The following NCOA6 variants were observed in gnomAD, a reference collection of about 807,000 sequenced individuals.
NCOA6 encodes the protein NRC RAP250.
Under a neutral mutation model 171.4 loss-of-function variants are expected in NCOA6, and 49 were observed. The ratio of observed to expected loss-of-function variants is 0.29; its 90% CI spans 0.23 to 0.36. The LOEUF (loss-of-function observed/expected upper bound fraction) is 0.36. Ranked by LOEUF, NCOA6 falls within the 10% of genes least tolerant of loss-of-function variation. The pLI, the probability that NCOA6 is intolerant of heterozygous loss-of-function variation, is 1.00. For missense variants in NCOA6, 2,248 were observed against 2,554.5 expected (o/e 0.88, Z 2.59); for synonymous variants, 910 against 927.5 (o/e 0.98, Z 0.34).
intron 6 of NCOA6, among the ~76,000 whole-genome samples, 166 bp downstream of exon 6, chr20:34,758,639 A>C (rs540592285): frequency 2.2e-4 from 33 of 152,334 alleles, no homozygotes; most frequent in Admixed American, 3.3e-4. Flanking sequence ...AAATTCTGAA[A>C]AGAAAATAAT....
chr20:34,782,068 G>A, intron 3 of NCOA6, 53 bp downstream of exon 3: 1 of 1,269,480 alleles, frequency 7.9e-7, no homozygotes, highest in Non-Finnish European at 1.1e-6. Context: ...ACCATGGAAG[G>A]GCAAACATTT....
chr20:34,769,644 G>A (rs1046403146), intron 4 of NCOA6, among the ~76,000 whole-genome samples: 1 of 152,124 alleles, frequency 6.6e-6, no homozygotes, highest in Non-Finnish European at 1.5e-5. Flanking sequence ...GATTACAGGC[G>A]TGAGCCACGG....
chr20:34,769,307 C>T (rs925528184), intron 4 of NCOA6, among the ~76,000 whole-genome samples: 1 of 152,122 alleles, frequency 6.6e-6, no homozygotes, highest in African/African-American at 2.4e-5. Flanking sequence ...GTCCTGCTGC[C>T]TCAGCCTCCT....
At chr20:34,804,144 C>G (rs2078359882) in intron 1 of NCOA6, among the ~76,000 whole-genome samples, 1 of 152,024 alleles carries the variant, frequency 6.6e-6, no homozygotes, top group African/African-American at 2.4e-5. Context: ...GGAGACCAGT[C>G]TGACCAATAT....
At chr20:34,781,214 A>G (rs1359550395) in intron 3 of NCOA6, among the ~76,000 whole-genome samples, 1 of 152,206 alleles carries the variant, frequency 6.6e-6, no homozygotes, top group East Asian at 1.9e-4. Context: ...TTCCGTCCAG[A>G]TAACAAATCT....
Position 34,742,568 on chromosome 20 carries a change from G to C in NCOA6, c.3688C>G (p.Pro1230Ala), listed in dbSNP as rs953858858. The C allele has an allele frequency of 1.9e-6, 3 of 1,614,216 alleles. No individual in the cohort carries two copies. The highest frequency in any genetic ancestry group is 2.5e-6 in the Non-Finnish European group (3 of 1,180,046). Residue 1230 changes from proline (P) to alanine (A), a missense_variant, in exon 11 of 15, where the codon CCC becomes GCC. Transcript: ENST00000359003. Reference protein sequence around the residue: ...YYPQTPNNRPPSTEPSEISLS... With the variant: ...YYPQTPNNRPASTEPSEISLS... ...CTGATTTCTGAAGGTTCTGTGCTGG[G>C]AGGGCGGTTGTTGGGTGTCTGAGGA... is the stretch of plus-strand genomic sequence containing the variant.
At chr20:34,779,683 T>C (rs1198875713) in intron 3 of NCOA6, among the ~76,000 whole-genome samples, 1 of 152,196 alleles carries the variant, frequency 6.6e-6, no homozygotes, top group Non-Finnish European at 1.5e-5. Flanking sequence ...AAAAAAGAGA[T>C]AATGGTCATA....
In NCOA6 at chr20:34,715,362, A is replaced by G. The variant is rs1402800755; in HGVS notation, c.6152T>C (p.Ile2051Thr). The G allele has an allele frequency of 3.1e-6, 5 of 1,612,258 alleles. No individual in the cohort carries two copies. Among genetic ancestry groups the G allele is most frequent in the Non-Finnish European group, 4.2e-6 (5 of 1,178,422 alleles). The change falls in exon 15 of 15, where the codon ATA (isoleucine) becomes ACA (threonine). Residue 2051 changes from isoleucine to threonine, a missense_variant. By Grantham distance (89) the Ile-to-Thr change is moderately conservative. Around this residue, in one of 7 missense-constraint regions of NCOA6, gnomAD observed 884 missense variants for 941.9 expected, o/e 0.94. Transcript: ENST00000359003. ...PASASSSTKD[I>T]TSAVQSKRRK... The stretch of plus-strand genomic sequence containing the variant: ...TCGCTTGGATTGCACCGCACTGGTT[A>G]TGTCTGTGGGGGAAAGAAAGGACAT...
Position 34,757,923 on chromosome 20 carries a change from C to T in NCOA6, c.825G>A (p.Gln275=), listed in dbSNP as rs564469082. The T allele has an allele frequency of 1.9e-6, 3 of 1,612,210 alleles. No individual in the cohort carries two copies. The highest frequency in any genetic ancestry group is 2.5e-6 in the Non-Finnish European group (3 of 1,179,248). ...GTTGCTGCTGTTGCTGTTGTTGCTG[C>T]TGCTGCTGCTGCTGCTGCTGTTGTT... ...QQQQQQQQQQ[Q]QQQQQQQQQQ... The change falls in exon 7 of 15, where the codon CAG becomes CAA. Residue 275 remains glutamine, a synonymous_variant. Coordinates refer to ENST00000359003, the MANE Select transcript of NCOA6 (RefSeq NM_014071.5).
At chr20:34,792,855 T>C (rs770645368) in intron 1 of NCOA6, among the ~76,000 whole-genome samples, 20 of 147,522 alleles carry the variant, frequency 1.4e-4, no homozygotes, top group Non-Finnish European at 2.8e-4. Flanking sequence ...CATAGCTCAC[T>C]GCAGCTCAAC....
intron 7 of NCOA6, among the ~76,000 whole-genome samples, chr20:34,756,782 A>G (rs1444561841): frequency 6.6e-6 from 1 of 152,208 alleles, no homozygotes; most frequent in Non-Finnish European, 1.5e-5. Flanking sequence ...TTACTATTTT[A>G]TTAACTAGGA....
rs186685813 is a variant in NCOA6, at chr20:34,762,318, C to T, written c.515-3385G>A. The stretch of plus-strand genomic sequence containing the variant: ...CTTTCTAACTTTGAACCTTCTGAGT[C>T]CTTATATTTTATGTGTTTCCTGTAA... On this transcript the variant is annotated intron_variant, in intron 5 of 14. Coordinates refer to ENST00000359003, the MANE Select transcript of NCOA6 (RefSeq NM_014071.5). 1.8e-4 allele frequency among the ~76,000 whole-genome samples: 28 copies of T among 152,216 alleles called. 1 individual carries two copies. The South Asian group carries it at 5.4e-3, about 29-fold the overall frequency.
intron 1 of NCOA6, among the ~76,000 whole-genome samples, chr20:34,800,352 G>A (rs1568873253): frequency 6.6e-6 from 1 of 152,032 alleles, no homozygotes; most frequent in Non-Finnish European, 1.5e-5. Flanking sequence ...TAACAAAACG[G>A]CAGGAATAAG....
At position 34,742,378 on chromosome 20, in the gene NCOA6, T is replaced by A. The variant is rs1600813712; in HGVS notation, c.3878A>T (p.Asn1293Ile). 65 of 1,614,058 alleles carry A rather than the reference T, an allele frequency of 4.0e-5. No homozygotes were observed. In the East Asian group the frequency reaches 1.4e-3, roughly 36 times the overall value. Residue 1293 changes from asparagine to isoleucine, a missense_variant, in exon 11 of 15, where the codon AAT (asparagine) becomes ATT (isoleucine). Coordinates refer to ENST00000359003, the MANE Select transcript of NCOA6 (RefSeq NM_014071.5). ...IGQAPSNLTMNPSNFATPQTH... is the reference protein window; with the variant it reads ...IGQAPSNLTMIPSNFATPQTH... ...TTGTGGGGTAGCAAAATTGGAAGGA[T>A]TCATGGTAAGATTTGAAGGTGCTTG... is the stretch of plus-strand genomic sequence containing the variant.
chr20:34,804,395 T>C (rs2078371108), intron 1 of NCOA6, among the ~76,000 whole-genome samples: 1 of 151,456 alleles, frequency 6.6e-6, no homozygotes, highest in Non-Finnish European at 1.5e-5. Context: ...TGGTCTCAGC[T>C]ACTCAATAGG....
In NCOA6 at chr20:34,742,390, T is replaced by C; in HGVS notation, c.3866A>G (p.Asn1289Ser). 1 of 1,614,226 alleles carries C rather than the reference T, an allele frequency of 6.2e-7. No individual in the cohort carries two copies. The highest frequency in any genetic ancestry group is 8.5e-7 in the Non-Finnish European group (1 of 1,180,036). The change falls in exon 11 of 15, where the codon AAT becomes AGT. Residue 1289 changes from asparagine (N) to serine (S), a missense_variant. Transcript: ENST00000359003. ...AAAATTGGAAGGATTCATGGTAAGA[T>C]TTGAAGGTGCTTGCCCGATGGCCTT... ...TLKAIGQAPS[N>S]LTMNPSNFAT...
In NCOA6 at chr20:34,753,641, C is replaced by T. The variant is rs142827191; in HGVS notation, c.1675+1081G>A. On this transcript the variant is annotated intron_variant, in intron 8 of 14. Transcript: ENST00000359003. The stretch of plus-strand genomic sequence containing the variant: ...AGCCACTGCACTCCAGCTTGAGCGA[C>T]GGAGCAAGACTCCGTCTCAAAAAAC... Among the ~76,000 whole-genome samples the T allele has an allele frequency of 9.3e-3, 1,409 of 151,622 alleles. 30 individuals are homozygous for T. The highest frequency in any genetic ancestry group is 0.032 in the African/African-American group (1,331 of 41,322).
At chr20:34,760,689 T>C (rs1156611903) in intron 5 of NCOA6, among the ~76,000 whole-genome samples, 1 of 152,178 alleles carries the variant, frequency 6.6e-6, no homozygotes, top group African/African-American at 2.4e-5. Flanking sequence ...CTTTTCAAGT[T>C]TTCAATGTCT....
In NCOA6 at chr20:34,750,273, G is replaced by GT; in HGVS notation, c.1921dup (p.Thr641AsnfsTer56). 6.2e-7 allele frequency: 1 copy of GT among 1,611,920 alleles called. No individual in the cohort carries two copies. On this transcript the variant is annotated frameshift_variant, in exon 9 of 15. Coordinates refer to ENST00000359003, the MANE Select transcript of NCOA6 (RefSeq NM_014071.5). LOFTEE classifies it high-confidence loss of function. ...GATCATAGGGTTCTGAGGGTTCAAG[G>GT]TTCCTTGTTGCTGGACCATCTGGCC... is the stretch of plus-strand genomic sequence containing the variant.
Sources: allele counts gnomAD v4.1 joint callset (sites outside exome capture counted in the v4.1 genomes callset), GRCh38; gene constraint gnomAD v4.1.1; regional missense constraint gnomAD v4.1.1; transcripts MANE v1.5; gene names NCBI Gene and HGNC (gene_info 2026-07-23, HGNC 2026-07-21).